Variants in WNT6 observed in about 807,000 individuals in gnomAD.
WNT6 encodes protein Wnt-6.
In WNT6, 27 loss-of-function variants were observed where a neutral mutation model predicts 33.1. The observed-to-expected ratio is 0.82, with a 90% CI of 0.60 to 1.12. WNT6 has a LOEUF of 1.12. Ranked by LOEUF, WNT6 falls within the 50% of genes most tolerant of loss-of-function variation. WNT6 has a pLI of 0.00. For missense variants in WNT6, 494 were observed against 535.3 expected, an observed-to-expected ratio of 0.92 and a Z score of 0.76; for synonymous variants, 249 against 242.8, an observed-to-expected ratio of 1.03 and a Z score of -0.24.
At chr2:218,869,604 C>T (rs536732288) in intron 1 of WNT6, among the ~76,000 whole-genome samples, 50 of 152,174 alleles carry the variant, frequency 3.3e-4, no homozygotes, top group Non-Finnish European at 6.9e-4. Context: ...TGGGTGGTCT[C>T]TAATTACCCT....
Position 218,859,961 on chromosome 2 carries a change from A to T in WNT6, c.-77A>T. On this transcript the variant is annotated 5_prime_UTR_variant, in exon 1 of 4. The change creates a new upstream start codon in the 5' untranslated region. Transcript: ENST00000233948. ...GTTGCGCTCGCCGCGCTCGCACTGA[A>T]GCCCGGGCCCTCGCGCGCCGCGGTT... is the stretch of plus-strand genomic sequence containing the variant. The T allele has an allele frequency of 8.4e-7, 1 of 1,193,776 alleles. No homozygotes were observed. Among genetic ancestry groups the T allele is most frequent in the Non-Finnish European group, 1.0e-6 (1 of 953,198 alleles). 73.9% of individuals were successfully genotyped at this position (1,193,776 alleles called of 1,614,324 possible).
chr2:218,862,099 A>G (rs899417716), intron 1 of WNT6, among the ~76,000 whole-genome samples: 1 of 152,076 alleles, frequency 6.6e-6, no homozygotes, highest in African/African-American at 2.4e-5. Flanking sequence ...GGTCCCTGAG[A>G]GACTGACCCT....
chr2:218,871,114 G>A lies in WNT6; in HGVS notation c.168G>A (p.Gln56=). 1 of 1,613,802 alleles carries A rather than the reference G, an allele frequency of 6.2e-7. No individual in the cohort carries two copies. The highest frequency in any genetic ancestry group is 1.1e-5 in the South Asian group (1 of 91,062). Reference sequence around the variant, plus strand: ...CCGGGCGGCAGGCCGAGTTGTGCCAGGCTGAGCCGGAAGTGGTGGCAGAGC... The same window carrying A: ...CCGGGCGGCAGGCCGAGTTGTGCCAAGCTGAGCCGGAAGTGGTGGCAGAGC... The part of the protein sequence containing the change: ...RLAGRQAELC[Q]AEPEVVAELA... The change falls in exon 2 of 4, where the codon CAG becomes CAA. Residue 56 remains glutamine, a synonymous_variant. Transcript: ENST00000233948. The surrounding 1 kb of genome is among the most constrained non-coding windows in gnomAD (Gnocchi z 6.4).
Position 218,871,909 on chromosome 2 carries a change from T to C in WNT6, c.636+90T>C. On this transcript the variant is annotated intron_variant, in intron 3 of 3. Transcript: ENST00000233948. The surrounding 1 kb of genome is among the most constrained non-coding windows in gnomAD (Gnocchi z 6.4). ...GAGGAAGTGTTGGCAGGAGTGAGGG[T>C]GTGTAGGTGGAGGGGGGCGTTAATG... 1 of 778,692 alleles carries C rather than the reference T, an allele frequency of 1.3e-6. No individual in the cohort carries two copies. Among genetic ancestry groups the C allele is most frequent in the Non-Finnish European group, 1.7e-6 (1 of 587,482 alleles). 48.2% of individuals were successfully genotyped at this position (778,692 alleles called of 1,614,324 possible).
intron 1 of WNT6, among the ~76,000 whole-genome samples, chr2:218,865,466 G>A (rs1188214142): frequency 6.6e-6 from 1 of 152,244 alleles, no homozygotes; most frequent in Non-Finnish European, 1.5e-5. Flanking sequence ...AATCTAGAAA[G>A]TAGATCTAGA....
At position 218,873,902 on chromosome 2, in the gene WNT6, C is replaced by T. The variant is rs1309128875; in HGVS notation, c.*57C>T. 1 of 1,385,664 alleles carries T rather than the reference C, an allele frequency of 7.2e-7. No individual in the cohort carries two copies. The highest frequency in any genetic ancestry group is 2.9e-5 in the East Asian group (1 of 34,320). The allele number at this position is 1,385,664 out of a possible 1,614,324, so 85.8% of individuals were successfully genotyped here. ...CAGCGGTGGCTCGCACCTGTGGGAC[C>T]TCAGGGCACCGGCACCGGGCGCCTC... On this transcript the variant is annotated 3_prime_UTR_variant, in exon 4 of 4. Transcript: ENST00000233948. The surrounding 1 kb of genome is among the most constrained non-coding windows in gnomAD (Gnocchi z 6.1).
At chr2:218,861,187 T>C (rs565591121) in intron 1 of WNT6, among the ~76,000 whole-genome samples, 55 of 151,842 alleles carry the variant, frequency 3.6e-4, no homozygotes, top group African/African-American at 1.3e-3. Context: ...AGATAGGGAG[T>C]AGGATGCCCA....
Position 218,871,955 on chromosome 2 carries a change from C to T in WNT6, c.636+136C>T. Reference sequence around the variant, plus strand: ...TAATGTGTGGGGGAGTGCGCACGGGCGGAAAGATGGGCTGCAAGCATGGAT... The same window carrying T: ...TAATGTGTGGGGGAGTGCGCACGGGTGGAAAGATGGGCTGCAAGCATGGAT... On this transcript the variant is annotated intron_variant, in intron 3 of 3. Coordinates refer to ENST00000233948, the MANE Select transcript of WNT6 (RefSeq NM_006522.4). The surrounding 1 kb of genome is among the most constrained non-coding windows in gnomAD (Gnocchi z 6.4). 1.2e-6 allele frequency: 1 copy of T among 800,628 alleles called. No homozygotes were observed. The highest frequency in any genetic ancestry group is 1.8e-6 in the Non-Finnish European group (1 of 551,484). 49.6% of individuals were successfully genotyped at this position (800,628 alleles called of 1,614,324 possible).
intron 1 of WNT6, among the ~76,000 whole-genome samples, chr2:218,864,114 C>G (rs1004971298): frequency 6.6e-6 from 1 of 152,182 alleles, no homozygotes; most frequent in Non-Finnish European, 1.5e-5. Context: ...TCCGGCCTTG[C>G]CCACCCCCAG....
At position 218,867,540 on chromosome 2, in the gene WNT6, A is replaced by G. The variant is rs986448043; in HGVS notation, c.81-3487A>G. 3.9e-5 allele frequency among the ~76,000 whole-genome samples: 6 copies of G among 152,278 alleles called. No homozygotes were observed. The highest frequency in any genetic ancestry group is 1.4e-4 in the African/African-American group (6 of 41,554). On this transcript the variant is annotated intron_variant, in intron 1 of 3. Coordinates refer to ENST00000233948, the MANE Select transcript of WNT6 (RefSeq NM_006522.4). This position sits in a 1 kb window ranked among gnomAD's most constrained non-coding sequence, Gnocchi z 4.9. ...GCCAAGCCGGTTAGAATGACCATCCATTGCCTTGTCCCTTCTTGTCCGCAT... is the reference window on the plus strand; with the variant it reads ...GCCAAGCCGGTTAGAATGACCATCCGTTGCCTTGTCCCTTCTTGTCCGCAT...
chr2:218,869,547 C>G (rs1168077816), intron 1 of WNT6, among the ~76,000 whole-genome samples: 2 of 152,148 alleles, frequency 1.3e-5, no homozygotes, highest in Non-Finnish European at 2.9e-5. Flanking sequence ...TATGTTTTCT[C>G]TCTCCTGGGA....
chr2:218,869,006 G>A (rs1236684351), intron 1 of WNT6, among the ~76,000 whole-genome samples: 1 of 152,112 alleles, frequency 6.6e-6, no homozygotes, highest in South Asian at 2.1e-4. Flanking sequence ...AATAGAGACC[G>A]ATCAGCTCTC....
In WNT6 at chr2:218,871,523, G is replaced by A; in HGVS notation, c.340G>A (p.Ala114Thr). 1 of 1,597,078 alleles carries A rather than the reference G, an allele frequency of 6.3e-7. No individual in the cohort carries two copies. Among genetic ancestry groups the A allele is most frequent in the South Asian group, 1.1e-5 (1 of 90,994 alleles). ...ETAFVFAITA[A>T]GASHAVTQAC... ...GGCCTTCGTGTTCGCCATCACTGCGGCCGGCGCCAGCCACGCCGTCACGCA... is the reference window on the plus strand; with the variant it reads ...GGCCTTCGTGTTCGCCATCACTGCGACCGGCGCCAGCCACGCCGTCACGCA... The change falls in exon 3 of 4, where the codon GCC becomes ACC. Residue 114 changes from alanine (A) to threonine (T), a missense_variant. Ala to Thr is a moderately conservative substitution (Grantham distance 58, BLOSUM62 0). Coordinates refer to ENST00000233948, the MANE Select transcript of WNT6 (RefSeq NM_006522.4). This position sits in a 1 kb window ranked among gnomAD's most constrained non-coding sequence, Gnocchi z 6.4.
chr2:218,869,943 T>C (rs1944386223), intron 1 of WNT6, among the ~76,000 whole-genome samples: 2 of 152,098 alleles, frequency 1.3e-5, no homozygotes, highest in Admixed American at 1.3e-4. Flanking sequence ...TCCTTGGCCA[T>C]GTGTGGTGGC....
Position 218,871,188 on chromosome 2 carries a change from G to A in WNT6, c.242G>A (p.Arg81His), listed in dbSNP as rs771256486. The part of the protein sequence containing the change: ...LGVRECQFQF[R>H]FRRWNCSSHS... ...GTGCGAGAGTGCCAGTTCCAGTTCC[G>A]CTTCCGCCGCTGGAATTGCTCCAGC... The change falls in exon 2 of 4, where the codon CGC becomes CAC. Residue 81 changes from arginine (R) to histidine (H), a missense_variant. Coordinates refer to ENST00000233948, the MANE Select transcript of WNT6 (RefSeq NM_006522.4). The surrounding 1 kb of genome is among the most constrained non-coding windows in gnomAD (Gnocchi z 6.4). 6.2e-7 allele frequency: 1 copy of A among 1,613,516 alleles called. No individual in the cohort carries two copies. The highest frequency in any genetic ancestry group is 8.5e-7 in the Non-Finnish European group (1 of 1,179,892).
At chr2:218,863,893 G>A (rs1388039529) in intron 1 of WNT6, among the ~76,000 whole-genome samples, 1 of 152,046 alleles carries the variant, frequency 6.6e-6, no homozygotes, top group Non-Finnish European at 1.5e-5. Flanking sequence ...TAGCCTCTCT[G>A]TCTTTCTCTC....
intron 1 of WNT6, among the ~76,000 whole-genome samples, chr2:218,869,379 C>T (rs745383987): frequency 6.6e-6 from 1 of 152,180 alleles, no homozygotes; most frequent in Non-Finnish European, 1.5e-5. Context: ...ATTCCTCTTG[C>T]TTCTATTTAA....
intron 1 of WNT6, among the ~76,000 whole-genome samples, chr2:218,863,026 C>A (rs964780624): frequency 6.6e-6 from 1 of 152,186 alleles, no homozygotes; most frequent in Non-Finnish European, 1.5e-5. Flanking sequence ...TCTGACACTT[C>A]ATCTCTTTGG....
chr2:218,873,203 C>T lies in WNT6; in HGVS notation c.637-181C>T, dbSNP rs1370328334. Reference sequence around the variant, plus strand: ...TCCTCCATCCTCACCATTCCTCCTGCTCCTCCCCTCCGAGTTGTCCTTTCC... The same window carrying T: ...TCCTCCATCCTCACCATTCCTCCTGTTCCTCCCCTCCGAGTTGTCCTTTCC... On this transcript the variant is annotated intron_variant, in intron 3 of 3. Coordinates refer to ENST00000233948, the MANE Select transcript of WNT6 (RefSeq NM_006522.4). This position sits in a 1 kb window ranked among gnomAD's most constrained non-coding sequence, Gnocchi z 6.1. 1.3e-5 allele frequency among the ~76,000 whole-genome samples: 2 copies of T among 152,194 alleles called. No homozygotes were observed. Among genetic ancestry groups the T allele is most frequent in the South Asian group, 4.1e-4 (2 of 4,826 alleles).
Sources: allele counts gnomAD v4.1 joint callset (sites outside exome capture counted in the v4.1 genomes callset), GRCh38; gene constraint gnomAD v4.1.1; non-coding constraint Gnocchi (gnomAD v3.1); transcripts MANE v1.5; gene names NCBI Gene and HGNC (gene_info 2026-07-23, HGNC 2026-07-21).